Variants in HDAC8 observed in about 807,000 individuals in gnomAD.
The protein encoded by HDAC8 is histone deacetylase-like 1.
A neutral mutation model predicts 32.2 loss-of-function variants in HDAC8; 1 was observed. That is an observed-to-expected ratio of 0.03 (90% confidence interval 0.01 to 0.15). The LOEUF (loss-of-function observed/expected upper bound fraction) is 0.15, where lower values mean the gene tolerates loss of function less well. Among genes scored for constraint, HDAC8 ranks in the 10% least tolerant of loss-of-function variants. The pLI is 1.00. For missense variants in HDAC8, 117 were observed against 300.0 expected (o/e 0.39, Z 4.51); for synonymous variants, 108 against 113.9 (o/e 0.95, Z 0.33).
chrX:72,479,346 G>C (rs1226133903), intron 7 of HDAC8, among the ~76,000 whole-genome samples: 1 of 111,653 alleles, frequency 9.0e-6, no homozygotes, highest in Non-Finnish European at 1.9e-5. Flanking sequence ...GAATTTTGAT[G>C]TTAGAATATC....
At chrX:72,436,466 T>C (rs782453830) in intron 9 of HDAC8, among the ~76,000 whole-genome samples, 18 of 111,326 alleles carry the variant, frequency 1.6e-4, no homozygotes, top group African/African-American at 5.5e-4. Context: ...CTATACCCAA[T>C]TCTATACCCA....
intron 4 of HDAC8, among the ~76,000 whole-genome samples, chrX:72,550,500 T>A (rs191285935): frequency 1.8e-5 from 2 of 110,769 alleles, no homozygotes; most frequent in African/African-American, 6.6e-5. Flanking sequence ...CATTTCACAC[T>A]GTGACCTAGT....
At chrX:72,551,106 C>T (rs1183808430) in intron 4 of HDAC8, among the ~76,000 whole-genome samples, 1 of 110,342 alleles carries the variant, frequency 9.1e-6, no homozygotes, top group African/African-American at 3.3e-5. Flanking sequence ...CACACACACA[C>T]ACACACAAAA....
intron 9 of HDAC8, among the ~76,000 whole-genome samples, chrX:72,394,604 A>C (rs1555965035): frequency 8.9e-6 from 1 of 112,327 alleles, no homozygotes; most frequent in East Asian, 2.8e-4. Flanking sequence ...GTGCTGGCAC[A>C]GTTATGGAGC....
chrX:72,474,127 A>G (rs1445622459), intron 7 of HDAC8: 1 of 749,001 alleles, frequency 1.3e-6, no homozygotes, highest in African/African-American at 2.3e-5. Context: ...GTAAAGATAG[A>G]GTAATTAGCT....
intron 4 of HDAC8, among the ~76,000 whole-genome samples, chrX:72,561,315 C>T (rs781954204): frequency 4.5e-5 from 5 of 112,068 alleles, no homozygotes; most frequent in East Asian, 2.8e-4. Flanking sequence ...CAAAACAGCA[C>T]GATACTGGTA....
At chrX:72,456,283 C>T (rs1173821856) in intron 9 of HDAC8, among the ~76,000 whole-genome samples, 12 of 111,452 alleles carry the variant, frequency 1.1e-4, no homozygotes, top group African/African-American at 3.6e-4. Context: ...ATTTATTCTA[C>T]TTAAAATGAA....
chrX:72,346,492 T>C (rs1329125023), intron 10 of HDAC8, among the ~76,000 whole-genome samples: 5 of 112,157 alleles, frequency 4.5e-5, no homozygotes, highest in African/African-American at 1.6e-4. Context: ...TGAGCTCCAA[T>C]TGCTAGCCCC....
At chrX:72,519,368 G>A (rs2049910640) in intron 4 of HDAC8, among the ~76,000 whole-genome samples, 1 of 111,864 alleles carries the variant, frequency 8.9e-6, no homozygotes, top group African/African-American at 3.2e-5. Context: ...AACTTCTTAA[G>A]AAACTGTCAG....
chrX:72,481,606 T>C (rs1437225417), intron 7 of HDAC8, among the ~76,000 whole-genome samples: 1 of 105,170 alleles, frequency 9.5e-6, no homozygotes, highest in Non-Finnish European at 2.0e-5. Flanking sequence ...ACCTGCTTCC[T>C]TTTTTTTTTG....
chrX:72,409,718 A>G (rs1555969686), intron 9 of HDAC8, among the ~76,000 whole-genome samples: 2 of 112,228 alleles, frequency 1.8e-5, no homozygotes, highest in South Asian at 3.7e-4. Flanking sequence ...AATTCGCTCA[A>G]TAGGATTTGT....
chrX:72,553,709 G>A (rs781943602), intron 4 of HDAC8, among the ~76,000 whole-genome samples: 3 of 111,768 alleles, frequency 2.7e-5, no homozygotes, highest in South Asian at 7.5e-4. Context: ...CATGGAACCC[G>A]CAGATGATAA....
At chrX:72,465,046 G>A (rs2047979781) in intron 7 of HDAC8, among the ~76,000 whole-genome samples, 1 of 111,657 alleles carries the variant, frequency 9.0e-6, no homozygotes, top group Admixed American at 9.5e-5. Flanking sequence ...ATAGGACACA[G>A]TATACACATT....
At chrX:72,463,608 G>C (rs980511629) in intron 8 of HDAC8, among the ~76,000 whole-genome samples, 2 of 111,875 alleles carry the variant, frequency 1.8e-5, no homozygotes, top group Non-Finnish European at 3.8e-5. Context: ...TTCAGTTGAA[G>C]TTAATATATT....
At chrX:72,348,575 C>G (rs2044092238) in intron 10 of HDAC8, among the ~76,000 whole-genome samples, 1 of 112,220 alleles carries the variant, frequency 8.9e-6, no homozygotes, top group African/African-American at 3.2e-5. Context: ...CTGAATTTCT[C>G]TTTGGTTCTG....
At chrX:72,492,309 A>G (rs1432112431) in intron 5 of HDAC8, among the ~76,000 whole-genome samples, 1 of 111,711 alleles carries the variant, frequency 9.0e-6, no homozygotes, top group Non-Finnish European at 1.9e-5. Context: ...CCTTTCTTTG[A>G]GTATTAGAGT....
At chrX:72,394,004 T>A (rs1296209638) in intron 9 of HDAC8, among the ~76,000 whole-genome samples, 30 of 111,015 alleles carry the variant, frequency 2.7e-4, no homozygotes, top group Non-Finnish European at 4.9e-4. Flanking sequence ...CCTAGTCCAG[T>A]TACTCTGTGC....
chrX:72,571,817 C>T (rs1418834216), intron 2 of HDAC8: 2 of 286,588 alleles, frequency 7.0e-6, no homozygotes, highest in African/African-American at 5.7e-5. Context: ...GATCCACCCA[C>T]CTAGGCCTCC....
At chrX:72,414,718 T>C (rs2046289186) in intron 9 of HDAC8, among the ~76,000 whole-genome samples, 1 of 111,263 alleles carries the variant, frequency 9.0e-6, no homozygotes, top group African/African-American at 3.3e-5. Flanking sequence ...TGGGGAGGAA[T>C]GGGGGAGGGA....
Sources: gnomAD v4.1 joint callset for allele counts (sites outside exome capture counted in the v4.1 genomes callset) on GRCh38, gnomAD v4.1.1 for gene constraint, MANE v1.5 for transcripts, NCBI Gene and HGNC (gene_info 2026-07-23, HGNC 2026-07-21) for gene names.